GLIS3: variants seen among roughly 807,000 people sequenced by gnomAD.
GLIS3 encodes GLIS family zinc finger 3.
GLIS3 carries 53 observed loss-of-function variants against 78.6 expected under a neutral mutation model. That is an observed-to-expected ratio of 0.67 (90% CI 0.54 to 0.85). The LOEUF (loss-of-function observed/expected upper bound fraction) is 0.85, where lower values mean the gene tolerates loss of function less well. Among genes scored for constraint, GLIS3 ranks in the 40% least tolerant of loss-of-function variants. The probability of loss-of-function intolerance (pLI) is 0.00; values close to 1 mark genes in which losing one functional copy is unlikely to be tolerated. For missense variants in GLIS3, 1,703 were observed against 1,231.1 expected (o/e 1.38, Z -5.74); for synonymous variants, 684 against 509.9 (o/e 1.34, Z -4.60).
Position 3,829,436 on chromosome 9 carries a change from T to C in GLIS3, c.2530A>G (p.Ile844Val). 1 of 1,614,060 alleles carries C rather than the reference T, an allele frequency of 6.2e-7. No individual in the cohort carries two copies. Among genetic ancestry groups the C allele is most frequent in the Non-Finnish European group, 8.5e-7 (1 of 1,179,992 alleles). The change falls in exon 10 of 11, where the codon ATT becomes GTT. Residue 844 changes from isoleucine (I) to valine (V), a missense_variant. By Grantham distance (29) the Ile-to-Val change is conservative (BLOSUM62 3). Coordinates refer to ENST00000381971, the MANE Select transcript of GLIS3 (RefSeq NM_001042413.2). ...CTGCAGGAGCTGACAGGCGGCACAA[T>C]TCTCTGGGAATCGGGGTAGTGTGGG... The part of the protein sequence containing the change: ...CPPHYPDSQR[I>V]VPPVSSCSVV...
the GLIS3 span, among the ~76,000 whole-genome samples, chr9:4,385,418 CTG>C: frequency 6.6e-6 from 1 of 152,190 alleles, no homozygotes; most frequent in African/African-American, 2.4e-5. Context: ...AATCCCAACA[CTG>C]TGGGAGCCTG....
chr9:4,319,203 A>G (rs1817483318), intron 2 of GLIS3, among the ~76,000 whole-genome samples: 1 of 152,242 alleles, frequency 6.6e-6, no homozygotes, highest in South Asian at 2.1e-4. Context: ...ATATTAGGTA[A>G]TGGTATTGCA....
chr9:4,041,583 G>A (rs892748357), intron 4 of GLIS3, among the ~76,000 whole-genome samples: 2 of 152,116 alleles, frequency 1.3e-5, no homozygotes, highest in Non-Finnish European at 2.9e-5. Flanking sequence ...TTCATAAAAC[G>A]GTGCTTCGTT....
At chr9:4,009,137 T>C in intron 4 of GLIS3, among the ~76,000 whole-genome samples, 1 of 152,208 alleles carries the variant, frequency 6.6e-6, no homozygotes, top group Non-Finnish European at 1.5e-5. Flanking sequence ...TGAGTCAGTC[T>C]TGCTCACTTT....
At chr9:3,932,529 T>A in intron 5 of GLIS3, 59 bp from the exon 6 acceptor site, 1 of 1,234,258 alleles carries the variant, frequency 8.1e-7, no homozygotes, top group Non-Finnish European at 1.2e-6. Context: ...AATTGGGGAA[T>A]GTTTTACTCA....
At chr9:3,982,117 C>T (rs1588379647) in intron 4 of GLIS3, among the ~76,000 whole-genome samples, 1 of 152,212 alleles carries the variant, frequency 6.6e-6, no homozygotes, top group South Asian at 2.1e-4. Flanking sequence ...TATTTACTTG[C>T]TAATGCATAG....
At chr9:4,101,299 C>A (rs73392568) in intron 4 of GLIS3, among the ~76,000 whole-genome samples, 5,884 of 152,254 alleles carry the variant, frequency 0.039, 220 homozygotes, top group African/African-American at 0.095. Context: ...AGATGTTACT[C>A]TCTGGGGTAT....
At chr9:3,923,432 C>T (rs12554438) in intron 6 of GLIS3, among the ~76,000 whole-genome samples, 24 of 151,908 alleles carry the variant, frequency 1.6e-4, no homozygotes, top group Admixed American at 1.6e-3. Flanking sequence ...AGTCCATACG[C>T]CAAAAAATCT....
intron 2 of GLIS3, among the ~76,000 whole-genome samples, chr9:4,257,878 G>A (rs1825131940): frequency 6.6e-6 from 1 of 151,918 alleles, no homozygotes; most frequent in Non-Finnish European, 1.5e-5. Flanking sequence ...CGGCCAACAT[G>A]TATATGTTTA....
At chr9:4,139,396 T>C (rs1833637822) in intron 2 of GLIS3, among the ~76,000 whole-genome samples, 1 of 152,206 alleles carries the variant, frequency 6.6e-6, no homozygotes, top group Admixed American at 6.5e-5. Context: ...AGGCCACGAA[T>C]CAAATTGAGC....
At position 3,936,997 on chromosome 9, in the gene GLIS3, T is replaced by C. The variant is rs758523138; in HGVS notation, c.1872+31A>G. 5 of 1,611,838 alleles carry C rather than the reference T, an allele frequency of 3.1e-6. No individual in the cohort carries two copies. In the Admixed American group the frequency reaches 5.0e-5, roughly 16 times the overall value. Reference sequence around the variant, plus strand: ...GCACTTCCTCACACCAGGCGCTGGGTTGGAAACTGGAAAGCTCCTGCCATT... The same window carrying C: ...GCACTTCCTCACACCAGGCGCTGGGCTGGAAACTGGAAAGCTCCTGCCATT... On this transcript the variant is annotated intron_variant, in intron 5 of 10. Coordinates refer to ENST00000381971, the MANE Select transcript of GLIS3 (RefSeq NM_001042413.2).
At chr9:4,384,928 T>C in the GLIS3 span, among the ~76,000 whole-genome samples, 1 of 151,486 alleles carries the variant, frequency 6.6e-6, no homozygotes, top group Non-Finnish European at 1.5e-5. Context: ...CTAACTGTCA[T>C]TGTAACGATT....
chr9:4,013,733 T>C lies in GLIS3; in HGVS notation c.1711-76544A>G, dbSNP rs542707008. On this transcript the variant is annotated intron_variant, in intron 4 of 10. Transcript: ENST00000381971. The stretch of plus-strand genomic sequence containing the variant: ...TTGATCTTTCAGTGGCAAGAGGAAG[T>C]CTTGAGTTAATAGAGTCTGAGGGGC... Among the ~76,000 whole-genome samples the C allele has an allele frequency of 3.3e-5, 5 of 152,282 alleles. No homozygotes were observed. In the South Asian group the frequency reaches 1.0e-3, roughly 32 times the overall value.
intron 4 of GLIS3, among the ~76,000 whole-genome samples, chr9:4,092,834 C>G (rs964667202): frequency 6.6e-6 from 1 of 152,164 alleles, no homozygotes; most frequent in African/African-American, 2.4e-5. Context: ...ATACATAAAA[C>G]AGCAACACAG....
intron 4 of GLIS3, among the ~76,000 whole-genome samples, chr9:3,967,034 CAA>C (rs1307568514): frequency 4.9e-4 from 46 of 94,382 alleles, no homozygotes; most frequent in African/African-American, 1.9e-3. Context: ...AAAAAAAAAA[CAA>C]AAAAACATTT....
At chr9:4,387,663 G>A in the GLIS3 span, among the ~76,000 whole-genome samples, 6 of 152,180 alleles carry the variant, frequency 3.9e-5, no homozygotes, top group Non-Finnish European at 5.9e-5. Context: ...ATCAAAGAAT[G>A]AGCTAGGTAG....
chr9:4,412,973 G>T, the GLIS3 span, among the ~76,000 whole-genome samples: 1 of 152,188 alleles, frequency 6.6e-6, no homozygotes, highest in Non-Finnish European at 1.5e-5. Context: ...TCTTTCACCA[G>T]CCCTTTCTTC....
At chr9:4,214,316 T>C (rs1210136565) in intron 2 of GLIS3, among the ~76,000 whole-genome samples, 1 of 152,256 alleles carries the variant, frequency 6.6e-6, no homozygotes, top group Non-Finnish European at 1.5e-5. Flanking sequence ...GTCAAACGGT[T>C]GGCCCCAGCA....
At chr9:3,984,624 T>A (rs1482164977) in intron 4 of GLIS3, among the ~76,000 whole-genome samples, 1 of 152,200 alleles carries the variant, frequency 6.6e-6, no homozygotes, top group Admixed American at 6.5e-5. Flanking sequence ...TGAGTTAATG[T>A]TGAAATGAGT....
Sources: gnomAD v4.1 joint callset for allele counts (sites outside exome capture counted in the v4.1 genomes callset) on GRCh38, gnomAD v4.1.1 for gene constraint, MANE v1.5 for transcripts, NCBI Gene and HGNC (gene_info 2026-07-23, HGNC 2026-07-21) for gene names.